Variants in ERLEC1 observed in about 807,000 individuals in gnomAD.
ERLEC1 encodes the protein ER lectin.
Under a neutral mutation model 68.0 loss-of-function variants are expected in ERLEC1, and 47 were observed. That is an observed-to-expected ratio of 0.69 (90% CI 0.55 to 0.88). The LOEUF (loss-of-function observed/expected upper bound fraction) is 0.88. Ranked by LOEUF, ERLEC1 falls within the 40% of genes least tolerant of loss-of-function variation. ERLEC1 has a pLI of 0.00. For synonymous variants in ERLEC1, 225 were observed against 203.2 expected (o/e 1.11, Z -0.91); for missense variants, 567 against 583.8 (o/e 0.97, Z 0.30).
In ERLEC1 at chr2:53,808,402, A is replaced by C. The variant is rs200669336; in HGVS notation, c.983A>C (p.Lys328Thr). The change falls in exon 9 of 14, where the codon AAA (lysine) becomes ACA (threonine). Residue 328 changes from lysine to threonine, a missense_variant. Transcript: ENST00000185150. ...VLTVGTTHIS[K>T]LTDDQLIKEF... Reference sequence around the variant, plus strand: ...ACTGTTGGGACAACCCACATATCCAAATTGACAGATGACCAACTCATAAAA... The same window carrying C: ...ACTGTTGGGACAACCCACATATCCACATTGACAGATGACCAACTCATAAAA... 7 of 1,614,152 alleles carry C rather than the reference A, an allele frequency of 4.3e-6. No individual in the cohort carries two copies. In the East Asian group the frequency reaches 6.7e-5, roughly 15 times the overall value.
intron 6 of ERLEC1, among the ~76,000 whole-genome samples, chr2:53,800,072 A>ACAC (rs1675924826): frequency 6.6e-6 from 1 of 152,156 alleles, no homozygotes; most frequent in African/African-American, 2.4e-5. Context: ...ACCTTTTAAT[A>ACAC]CACAGTCATG....
rs565771704 is a variant in ERLEC1 at position 53,787,102 on chromosome 2, C to T, written c.-109C>T. ...CGTGGCGGCGGTTGGGCCGGTGATA[C>T]CCGGGCGCTTTATAGTCCCGCCGCC... is the stretch of plus-strand genomic sequence containing the variant. On this transcript the variant is annotated 5_prime_UTR_variant, in exon 1 of 14. Transcript: ENST00000185150. The T allele has an allele frequency of 2.2e-6, 3 of 1,366,786 alleles. No homozygotes were observed. The highest frequency in any genetic ancestry group is 2.7e-4 in the Middle Eastern group (1 of 3,680). The allele number at this position is 1,366,786 out of a possible 1,614,324, so 84.7% of individuals were successfully genotyped here.
intron 1 of ERLEC1, among the ~76,000 whole-genome samples, chr2:53,789,245 T>A (rs1219928319): frequency 6.6e-6 from 1 of 151,584 alleles, no homozygotes; most frequent in African/African-American, 2.4e-5. Flanking sequence ...AACACAAAAA[T>A]TAGCTGGGCG....
At chr2:53,792,939 G>C (rs991013439) in intron 1 of ERLEC1, among the ~76,000 whole-genome samples, 3 of 152,008 alleles carry the variant, frequency 2.0e-5, no homozygotes, top group East Asian at 3.8e-4. Flanking sequence ...GAGTCCAGGA[G>C]GTCAGGCTGC....
chr2:53,817,041 T>C (rs926936180), intron 13 of ERLEC1, among the ~76,000 whole-genome samples: 15 of 152,204 alleles, frequency 9.9e-5, no homozygotes, highest in African/African-American at 3.4e-4. Flanking sequence ...ATTTCTCTGC[T>C]GTGCCCAGTC....
chr2:53,805,238 G>A (rs1676224822), intron 8 of ERLEC1, among the ~76,000 whole-genome samples: 1 of 151,840 alleles, frequency 6.6e-6, no homozygotes, highest in East Asian at 1.9e-4. Flanking sequence ...GGGCAAGCTG[G>A]TCTCGAACTC....
In ERLEC1 at chr2:53,800,790, C is replaced by G. The variant is rs1296750365; in HGVS notation, c.526-607C>G. Among the ~76,000 whole-genome samples, 3 of 152,084 alleles carry G rather than the reference C, an allele frequency of 2.0e-5. No individual in the cohort carries two copies. The East Asian group carries it at 5.8e-4, about 29-fold the overall frequency. ...ATTCCATGAAAAATTTTTAATTTGT[C>G]TTTTGCTGGCCTTGAGTATATTTAT... On this transcript the variant is annotated intron_variant, in intron 6 of 13. Coordinates refer to ENST00000185150, the MANE Select transcript of ERLEC1 (RefSeq NM_015701.5).
At chr2:53,809,176 G>T (rs777383103) in intron 9 of ERLEC1, 38 bp from the exon 10 acceptor site, 1 of 1,498,168 alleles carries the variant, frequency 6.7e-7, no homozygotes, top group Admixed American at 2.1e-5. Flanking sequence ...GAAAGGCCCA[G>T]TTCTTAACTT....
intron 13 of ERLEC1, among the ~76,000 whole-genome samples, chr2:53,816,559 C>G (rs1237463561): frequency 6.6e-6 from 1 of 151,856 alleles, no homozygotes; most frequent in East Asian, 1.9e-4. Context: ...GTGAGCCACC[C>G]GCACCCAGCC....
chr2:53,799,725 C>T (rs549996318), intron 6 of ERLEC1, among the ~76,000 whole-genome samples: 5 of 152,064 alleles, frequency 3.3e-5, no homozygotes, highest in Admixed American at 2.0e-4. Context: ...CATACTGATA[C>T]TTTTTTTAGA....
chr2:53,801,478 C>A lies in ERLEC1; in HGVS notation c.607C>A (p.Gln203Lys). The part of the protein sequence containing the change: ...MGNGTPCSLK[Q>K]NRPRSSTVMY... Reference sequence around the variant, plus strand: ...AAATGGTACACCTTGTAGTTTGAAACAGAACCGGCCCAGATCAAGTACTGT... The same window carrying A: ...AAATGGTACACCTTGTAGTTTGAAAAAGAACCGGCCCAGATCAAGTACTGT... Residue 203 changes from glutamine (Q) to lysine (K), a missense_variant, in exon 7 of 14, where the codon CAG (glutamine) becomes AAG (lysine). Coordinates refer to ENST00000185150, the MANE Select transcript of ERLEC1 (RefSeq NM_015701.5). 1 of 1,613,982 alleles carries A rather than the reference C, an allele frequency of 6.2e-7. No homozygotes were observed. The highest frequency in any genetic ancestry group is 8.5e-7 in the Non-Finnish European group (1 of 1,179,946).
chr2:53,798,432 C>T (rs184613279), intron 5 of ERLEC1, among the ~76,000 whole-genome samples: 15 of 151,820 alleles, frequency 9.9e-5, no homozygotes, highest in African/African-American at 3.1e-4. Context: ...CACTAATTTT[C>T]GTATTTGTTG....
intron 1 of ERLEC1, among the ~76,000 whole-genome samples, chr2:53,789,796 A>G (rs1396870671): frequency 1.3e-5 from 2 of 151,996 alleles, no homozygotes; most frequent in Non-Finnish European, 2.9e-5. Context: ...AGCTGGGTGG[A>G]TTACTTGAGC....
At chr2:53,814,999 T>A in intron 13 of ERLEC1, 64 bp downstream of exon 13, 8 of 805,920 alleles carry the variant, frequency 9.9e-6, no homozygotes, top group Non-Finnish European at 1.3e-5. Flanking sequence ...TTTTTTCTTT[T>A]TTTTTTTTTT....
At chr2:53,811,351 A>G (rs770984406) in intron 10 of ERLEC1, among the ~76,000 whole-genome samples, 4 of 152,186 alleles carry the variant, frequency 2.6e-5, no homozygotes, top group Non-Finnish European at 4.4e-5. Flanking sequence ...TTCTATTAAC[A>G]TACTTCCTTG....
intron 1 of ERLEC1, among the ~76,000 whole-genome samples, chr2:53,787,866 G>A (rs903552209): frequency 1.3e-5 from 2 of 152,190 alleles, no homozygotes; most frequent in East Asian, 3.8e-4. Context: ...AGCTCCAAGG[G>A]AACTTTTTCC....
rs1437577885 is a variant in ERLEC1, at chr2:53,797,761, G to C, written c.456G>C (p.Gly152=). 1 of 1,612,832 alleles carries C rather than the reference G, an allele frequency of 6.2e-7. No individual in the cohort carries two copies. The highest frequency in any genetic ancestry group is 8.5e-7 in the Non-Finnish European group (1 of 1,179,384). Residue 152 remains glycine, a synonymous_variant, in exon 5 of 14, where the codon GGG becomes GGC. Transcript: ENST00000185150. ...TAAATATTCACGAGTACTACCTTGG[G>C]AATATGTTGGCCAAGAACCTTCTAT... is the stretch of plus-strand genomic sequence containing the variant. ...QKINIHEYYL[G]NMLAKNLLFE...
In ERLEC1 at chr2:53,809,259, C is replaced by T; in HGVS notation, c.1087C>T (p.His363Tyr). The T allele has an allele frequency of 1.9e-6, 3 of 1,572,834 alleles. No homozygotes were observed. The highest frequency in any genetic ancestry group is 2.6e-6 in the Non-Finnish European group (3 of 1,167,410). The change falls in exon 10 of 14, where the codon CAT (histidine) becomes TAT (tyrosine). Residue 363 changes from histidine to tyrosine, a missense_variant. His to Tyr is a moderately conservative substitution (Grantham distance 83, BLOSUM62 2). Transcript: ENST00000185150. The stretch of plus-strand genomic sequence containing the variant: ...TGAATTCTGCTATGGCAAACATGTA[C>T]ATCAATACCATGAGGTATAGAATAG... ...KYEFCYGKHVHQYHEDKDSGK... is the reference protein window; with the variant it reads ...KYEFCYGKHVYQYHEDKDSGK...
intron 11 of ERLEC1, among the ~76,000 whole-genome samples, chr2:53,813,375 A>G (rs532436355): frequency 6.6e-6 from 1 of 152,160 alleles, no homozygotes; most frequent in Non-Finnish European, 1.5e-5. Context: ...TCATATGATT[A>G]TTGTGTCATT....
Sources: gnomAD v4.1 joint callset for allele counts (sites outside exome capture counted in the v4.1 genomes callset) on GRCh38, gnomAD v4.1.1 for gene constraint, MANE v1.5 for transcripts, NCBI Gene and HGNC (gene_info 2026-07-23, HGNC 2026-07-21) for gene names.